The following DOK6 variants were observed in gnomAD, a reference collection of about 807,000 sequenced individuals.
The protein encoded by DOK6 is downstream of tyrosine kinase 6.
In DOK6, 22 loss-of-function variants were observed where a neutral mutation model predicts 44.0. The observed-to-expected ratio is 0.50, with a 90% CI of 0.36 to 0.71. The LOEUF (loss-of-function observed/expected upper bound fraction) is 0.71. Among genes scored for constraint, DOK6 ranks in the 30% least tolerant of loss-of-function variants. The pLI, the probability that DOK6 is intolerant of heterozygous loss-of-function variation, is 0.00. For synonymous variants in DOK6, 166 were observed against 145.5 expected (o/e 1.14, Z -1.01); for missense variants, 340 against 416.4 (o/e 0.82, Z 1.60).
At chr18:69,762,207 T>C (rs1979582907) in intron 7 of DOK6, among the ~76,000 whole-genome samples, 2 of 152,020 alleles carry the variant, frequency 1.3e-5, no homozygotes, top group Admixed American at 1.3e-4. Flanking sequence ...CAGGGTATGA[T>C]GGCACACGCC....
intron 1 of DOK6, among the ~76,000 whole-genome samples, chr18:69,531,846 C>G (rs1599176860): frequency 6.6e-6 from 1 of 152,048 alleles, no homozygotes; most frequent in East Asian, 1.9e-4. Flanking sequence ...GCCGAAGAGC[C>G]CTGTTATGGA....
At chr18:69,626,782 G>T (rs552818631) in intron 3 of DOK6, among the ~76,000 whole-genome samples, 263 of 152,294 alleles carry the variant, frequency 1.7e-3, no homozygotes, top group Non-Finnish European at 2.7e-3. Flanking sequence ...TATTTCAAAG[G>T]AATGGTTCCC....
intron 5 of DOK6, among the ~76,000 whole-genome samples, chr18:69,719,601 C>A (rs1046824137): frequency 6.6e-6 from 1 of 152,180 alleles, no homozygotes; most frequent in African/African-American, 2.4e-5. Context: ...ATAATTCTAA[C>A]CTTGGGCCTT....
At chr18:69,789,678 G>T (rs993164024) in intron 7 of DOK6, among the ~76,000 whole-genome samples, 1 of 152,034 alleles carries the variant, frequency 6.6e-6, no homozygotes, top group African/African-American at 2.4e-5. Flanking sequence ...TATTTCTTTT[G>T]CCAAAATTTG....
chr18:69,707,168 G>A (rs1986653505), intron 5 of DOK6, among the ~76,000 whole-genome samples: 1 of 152,120 alleles, frequency 6.6e-6, no homozygotes, highest in South Asian at 2.1e-4. Flanking sequence ...ACAAACCACT[G>A]CTCAATGAAA....
intron 5 of DOK6, among the ~76,000 whole-genome samples, chr18:69,712,665 C>G (rs544072053): frequency 6.6e-6 from 1 of 152,000 alleles, no homozygotes; most frequent in Non-Finnish European, 1.5e-5. Flanking sequence ...GCCAACATGG[C>G]GAAACCCCCC....
intron 3 of DOK6, among the ~76,000 whole-genome samples, chr18:69,673,178 G>A (rs913473907): frequency 2.0e-5 from 3 of 151,890 alleles, no homozygotes; most frequent in African/African-American, 7.3e-5. Context: ...CTGATGCAGT[G>A]CTGTTTTTAA....
In DOK6 at chr18:69,834,740, G is replaced by T. The variant is rs368206932; in HGVS notation, c.857-6504G>T. Among the ~76,000 whole-genome samples, 10 of 152,296 alleles carry T rather than the reference G, an allele frequency of 6.6e-5. No individual in the cohort carries two copies. The South Asian group carries it at 1.7e-3, about 25-fold the overall frequency. ...AAGATGTCGTAGAGAGCCCTGGGTT[G>T]CTTCTACTTACATCTGGTTTTCACA... On this transcript the variant is annotated intron_variant, in intron 7 of 7. Transcript: ENST00000382713.
chr18:69,467,466 A>C (rs1979961097), intron 1 of DOK6, among the ~76,000 whole-genome samples: 1 of 152,176 alleles, frequency 6.6e-6, no homozygotes, highest in African/African-American at 2.4e-5. Flanking sequence ...AGGAAGTATA[A>C]TATATGAAAA....
chr18:69,784,111 C>T (rs1184882079), intron 7 of DOK6, among the ~76,000 whole-genome samples: 1 of 152,098 alleles, frequency 6.6e-6, no homozygotes, highest in Admixed American at 6.6e-5. Context: ...ATCACTTAAG[C>T]CCAGTAGAGG....
intron 1 of DOK6, among the ~76,000 whole-genome samples, chr18:69,512,333 T>TTCTTC (rs34297783): frequency 6.3e-5 from 3 of 47,768 alleles, no homozygotes; most frequent in African/African-American, 2.0e-4. Context: ...TTTCTTCTTC[T>TTCTTC]TTTTTTTTTT....
chr18:69,419,508 A>G (rs1163947189), intron 1 of DOK6, among the ~76,000 whole-genome samples: 1 of 152,126 alleles, frequency 6.6e-6, no homozygotes, highest in Non-Finnish European at 1.5e-5. Context: ...AATAGCACCT[A>G]ATGCATTTGG....
At chr18:69,757,938 C>A in intron 7 of DOK6, 65 bp downstream of exon 7, 1 of 1,381,232 alleles carries the variant, frequency 7.2e-7, no homozygotes, top group Non-Finnish European at 1.0e-6. Context: ...CTGAGTCATG[C>A]AAATTGCTTT....
In DOK6 at chr18:69,676,128, G is replaced by A. The variant is rs144643770; in HGVS notation, c.290-1606G>A. On this transcript the variant is annotated intron_variant, in intron 3 of 7. Coordinates refer to ENST00000382713, the MANE Select transcript of DOK6 (RefSeq NM_152721.6). ...ATCTTCCTGATCCTTGACATAGTTT[G>A]ATAGTATGCCTTACATCAGTGAGGG... Among the ~76,000 whole-genome samples, 107 of 152,260 alleles carry A rather than the reference G, an allele frequency of 7.0e-4. 1 individual carries two copies. Among genetic ancestry groups the A allele is most frequent in the African/African-American group, 2.5e-3 (105 of 41,564 alleles).
chr18:69,748,483 T>C (rs1044065274), intron 6 of DOK6, among the ~76,000 whole-genome samples: 1 of 152,154 alleles, frequency 6.6e-6, no homozygotes, highest in African/African-American at 2.4e-5. Flanking sequence ...AGTAAATCAC[T>C]CCTCAGCAGA....
intron 3 of DOK6, among the ~76,000 whole-genome samples, chr18:69,606,778 G>A (rs893008231): frequency 4.6e-4 from 20 of 43,486 alleles, no homozygotes; most frequent in African/African-American, 1.5e-3. Context: ...TTTTTTTTTT[G>A]GAGACAGAGT....
chr18:69,779,822 A>G (rs1032359076), intron 7 of DOK6, among the ~76,000 whole-genome samples: 22 of 152,002 alleles, frequency 1.4e-4, no homozygotes, highest in African/African-American at 5.3e-4. Flanking sequence ...AGAAGATACT[A>G]TTGATCATGC....
At chr18:69,767,648 C>A (rs1979759458) in intron 7 of DOK6, among the ~76,000 whole-genome samples, 1 of 152,144 alleles carries the variant, frequency 6.6e-6, no homozygotes, top group Non-Finnish European at 1.5e-5. Context: ...TGCCCAGAAG[C>A]CTTTCAGAGA....
intron 7 of DOK6, among the ~76,000 whole-genome samples, chr18:69,771,354 T>C (rs1979881324): frequency 6.6e-6 from 1 of 152,056 alleles, no homozygotes; most frequent in African/African-American, 2.4e-5. Flanking sequence ...AAAGTCTAAG[T>C]GGCAATTAAG....
Sources: allele counts gnomAD v4.1 joint callset (sites outside exome capture counted in the v4.1 genomes callset), GRCh38; gene constraint gnomAD v4.1.1; transcripts MANE v1.5; gene names NCBI Gene and HGNC (gene_info 2026-07-23, HGNC 2026-07-21).